Variants in KATNIP observed in about 807,000 individuals in gnomAD.
KATNIP encodes katanin interacting protein.
A neutral mutation model predicts 174.0 loss-of-function variants in KATNIP; 126 were observed. The ratio of observed to expected loss-of-function variants is 0.72; its 90% confidence interval spans 0.63 to 0.84. KATNIP has a LOEUF of 0.84. Among genes scored for constraint, KATNIP ranks in the 40% least tolerant of loss-of-function variants. The pLI, the probability that KATNIP is intolerant of heterozygous loss-of-function variation, is 0.00. For synonymous variants in KATNIP, 810 were observed against 835.7 expected (o/e 0.97, Z 0.53); for missense variants, 1,958 against 2,109.7 (o/e 0.93, Z 1.41).
intron 24 of KATNIP, 33 bp downstream of exon 24, chr16:27,775,117 G>C: frequency 1.3e-6 from 2 of 1,597,840 alleles, no homozygotes; most frequent in Non-Finnish European, 1.7e-6. Context: ...CGCAGCTCCT[G>C]GCCCTCAGGC....
At chr16:27,600,472 T>A (rs1449610431) in intron 2 of KATNIP, among the ~76,000 whole-genome samples, 2 of 152,042 alleles carry the variant, frequency 1.3e-5, no homozygotes, top group Admixed American at 1.3e-4. Flanking sequence ...AAGCAAAGAC[T>A]CTCTAGCCGT....
chr16:27,761,305 G>A, intron 18 of KATNIP, 108 bp from the exon 19 acceptor site: 1 of 1,195,614 alleles, frequency 8.4e-7, no homozygotes, highest in Non-Finnish European at 1.2e-6. Context: ...GGTCTGGGTT[G>A]AAGTTGCTAG....
chr16:27,768,557 C>T (rs935855883), intron 20 of KATNIP, among the ~76,000 whole-genome samples: 1 of 152,176 alleles, frequency 6.6e-6, no homozygotes, highest in Admixed American at 6.5e-5. Flanking sequence ...AGAGAAAGCT[C>T]CCCTTTCCAG....
chr16:27,777,045 CTG>C lies in KATNIP; in HGVS notation c.4551+17_4551+18del, dbSNP rs1304619769. ...GGAGTTTGGCGTAAGTACTTATTAG[CTG>C]AGTTTTTTGAGATAATTATGCTCGT... On this transcript the variant is annotated intron_variant, in intron 25 of 27. Coordinates refer to ENST00000261588, the MANE Select transcript of KATNIP (RefSeq NM_015202.5). This position sits in a 1 kb window ranked among gnomAD's most constrained non-coding sequence, Gnocchi z 4.4. 6.5e-7 allele frequency: 1 copy of C among 1,535,814 alleles called. No individual in the cohort carries two copies. The highest frequency in any genetic ancestry group is 9.0e-7 in the Non-Finnish European group (1 of 1,112,950).
At chr16:27,604,342 TC>T (rs2075633189) in intron 2 of KATNIP, among the ~76,000 whole-genome samples, 1 of 152,130 alleles carries the variant, frequency 6.6e-6, no homozygotes, top group South Asian at 2.1e-4. Flanking sequence ...CAAGCGATCC[TC>T]CCAACTCAGC....
At chr16:27,591,307 C>T (rs1335046041) in intron 2 of KATNIP, among the ~76,000 whole-genome samples, 1 of 152,074 alleles carries the variant, frequency 6.6e-6, no homozygotes, top group Admixed American at 6.6e-5. Flanking sequence ...GCCCCAGCCT[C>T]CTGAGTAGCT....
At chr16:27,552,936 C>T (rs989424651) in intron 1 of KATNIP, among the ~76,000 whole-genome samples, 2 of 151,344 alleles carry the variant, frequency 1.3e-5, no homozygotes, top group Non-Finnish European at 2.9e-5. Flanking sequence ...TCAGGTGATC[C>T]GCCCGCCTTG....
intron 15 of KATNIP, 85 bp downstream of exon 15, chr16:27,741,005 G>C: frequency 7.5e-7 from 1 of 1,337,046 alleles, no homozygotes; most frequent in Non-Finnish European, 1.0e-6. Context: ...CTGGACCTCA[G>C]TTTCCTTATC....
Position 27,776,865 on chromosome 16 carries a change from C to G in KATNIP, c.4450-63C>G. Reference sequence around the variant, plus strand: ...CACCCCAGCCCACGCCTGGCACCCCCAGCCCAGCCAAGCGCCTCTGTTTCC... The same window carrying G: ...CACCCCAGCCCACGCCTGGCACCCCGAGCCCAGCCAAGCGCCTCTGTTTCC... On this transcript the variant is annotated intron_variant, in intron 24 of 27. Coordinates refer to ENST00000261588, the MANE Select transcript of KATNIP (RefSeq NM_015202.5). This position sits in a 1 kb window ranked among gnomAD's most constrained non-coding sequence, Gnocchi z 4.7. The G allele has an allele frequency of 2.4e-6, 3 of 1,249,848 alleles. No individual in the cohort carries two copies. The highest frequency in any genetic ancestry group is 3.5e-6 in the Non-Finnish European group (3 of 851,592). The allele number at this position is 1,249,848 out of a possible 1,614,324, so 77.4% of individuals were successfully genotyped here.
intron 2 of KATNIP, among the ~76,000 whole-genome samples, chr16:27,591,394 A>G (rs570618058): frequency 1.3e-5 from 2 of 152,224 alleles, no homozygotes; most frequent in Admixed American, 1.3e-4. Context: ...CATCTTGGCC[A>G]GGATGGTCTT....
At chr16:27,761,815 G>A (rs912829684) in intron 19 of KATNIP, among the ~76,000 whole-genome samples, 4 of 152,172 alleles carry the variant, frequency 2.6e-5, no homozygotes, top group Non-Finnish European at 5.9e-5. Flanking sequence ...AGTGTCAGGC[G>A]GGATTTGAAG....
chr16:27,675,835 G>A (rs891685184), intron 6 of KATNIP, among the ~76,000 whole-genome samples: 2 of 152,090 alleles, frequency 1.3e-5, no homozygotes, highest in African/African-American at 4.8e-5. Flanking sequence ...ATCTTTCCTG[G>A]AAAATCCCCT....
intron 6 of KATNIP, among the ~76,000 whole-genome samples, chr16:27,656,884 A>G (rs192103718): frequency 0.012 from 1,751 of 151,024 alleles, 45 homozygotes; most frequent in African/African-American, 0.04. Context: ...ACATGTATAC[A>G]TATGTAACTA....
chr16:27,771,651 C>G lies in KATNIP; in HGVS notation c.4197C>G (p.Gly1399=), dbSNP rs1194832402. 1.2e-6 allele frequency: 2 copies of G among 1,613,320 alleles called. No individual in the cohort carries two copies. Among genetic ancestry groups the G allele is most frequent in the Non-Finnish European group, 1.7e-6 (2 of 1,179,598 alleles). ...ACGAGGCACCGCTGATGCCCTGTGG[C>G]TGTATCCTTCTCCTCCCGCCCCACC... The part of the protein sequence containing the change: ...MDYEAPLMPC[G]FIFQFQLLTS... The change falls in exon 22 of 28, where the codon GGC becomes GGG. Residue 1399 remains glycine, a splice_region_variant and synonymous_variant. Coordinates refer to ENST00000261588, the MANE Select transcript of KATNIP (RefSeq NM_015202.5).
At chr16:27,717,143 A>G (rs187922017) in intron 13 of KATNIP, among the ~76,000 whole-genome samples, 172 of 152,192 alleles carry the variant, frequency 1.1e-3, no homozygotes, top group African/African-American at 3.9e-3. Flanking sequence ...CGCCCAGCCA[A>G]TTTATGTAGC....
At chr16:27,646,248 C>A (rs1204914482) in intron 5 of KATNIP, among the ~76,000 whole-genome samples, 1 of 152,242 alleles carries the variant, frequency 6.6e-6, no homozygotes, top group Non-Finnish European at 1.5e-5. Flanking sequence ...CCTCTCAGCT[C>A]TCTTTGCTCT....
chr16:27,654,846 CAGGG>C, intron 6 of KATNIP: 3 of 1,046,578 alleles, frequency 2.9e-6, no homozygotes, highest in Non-Finnish European at 3.9e-6. Context: ...AGGAAAACCA[CAGGG>C]CGGGCACGGT....
intron 2 of KATNIP, among the ~76,000 whole-genome samples, chr16:27,577,506 A>G (rs2090541438): frequency 6.6e-6 from 1 of 152,200 alleles, no homozygotes; most frequent in African/African-American, 2.4e-5. Flanking sequence ...AGCCTGGCCA[A>G]CATGGTGAAA....
At chr16:27,627,802 ATGT>A (rs2076378148) in intron 3 of KATNIP, among the ~76,000 whole-genome samples, 1 of 152,168 alleles carries the variant, frequency 6.6e-6, no homozygotes, top group Non-Finnish European at 1.5e-5. Context: ...GTCTGTATAA[ATGT>A]TGTTGATGTA....
Sources: gnomAD v4.1 joint callset for allele counts (sites outside exome capture counted in the v4.1 genomes callset) on GRCh38, gnomAD v4.1.1 for gene constraint, Gnocchi (gnomAD v3.1) non-coding constraint, MANE v1.5 for transcripts, NCBI Gene and HGNC (gene_info 2026-07-23, HGNC 2026-07-21) for gene names.